The following SAMD14 variants were observed in gnomAD, a reference collection of about 807,000 sequenced individuals.
SAMD14 encodes sterile alpha motif domain-containing protein 14.
A neutral mutation model predicts 46.2 loss-of-function variants in SAMD14; 27 were observed. The observed-to-expected ratio is 0.58, with a 90% CI of 0.43 to 0.81. The LOEUF (loss-of-function observed/expected upper bound fraction) is 0.81. SAMD14 is among the 30% of genes least tolerant of loss of function. The probability of loss-of-function intolerance (pLI) is 0.00; values close to 1 mark genes in which losing one functional copy is unlikely to be tolerated. For missense variants in SAMD14, 559 were observed against 582.2 expected, an observed-to-expected ratio of 0.96 and a Z score of 0.41; for synonymous variants, 241 against 254.3, an observed-to-expected ratio of 0.95 and a Z score of 0.50.
chr17:50,122,564 T>A (rs551001650), intron 2 of SAMD14, among the ~76,000 whole-genome samples: 4 of 152,336 alleles, frequency 2.6e-5, no homozygotes, highest in African/African-American at 9.6e-5. Context: ...CACGAAAATT[T>A]GAGCTCCATG....
intron 2 of SAMD14, among the ~76,000 whole-genome samples, chr17:50,121,561 G>T (rs1911502532): frequency 6.6e-6 from 1 of 152,122 alleles, no homozygotes; most frequent in Non-Finnish European, 1.5e-5. Context: ...CAAGTGATCT[G>T]CCCGCCTTGG....
Position 50,111,300 on chromosome 17 carries a change from A to C in SAMD14, c.*1593T>G, listed in dbSNP as rs1241331899. On this transcript the variant is annotated 3_prime_UTR_variant, in exon 10 of 10. Coordinates refer to ENST00000330175, the MANE Select transcript of SAMD14 (RefSeq NM_001257359.2). Reference sequence around the variant, plus strand: ...GTCCGGCCAACCCAACAACTGGAGCAGACAGAAATTCTGGTCACTGGCACA... The same window carrying C: ...GTCCGGCCAACCCAACAACTGGAGCCGACAGAAATTCTGGTCACTGGCACA... 1 of 152,318 alleles carries C rather than the reference A, an allele frequency of 6.6e-6. No homozygotes were observed. Among genetic ancestry groups the C allele is most frequent in the African/African-American group, 2.4e-5 (1 of 41,468 alleles). 9.4% of individuals were successfully genotyped at this position (152,318 alleles called of 1,614,324 possible).
At chr17:50,126,883 T>G (rs974182364) in intron 1 of SAMD14, among the ~76,000 whole-genome samples, 1 of 151,598 alleles carries the variant, frequency 6.6e-6, no homozygotes, top group African/African-American at 2.4e-5. Context: ...GCAGATCACC[T>G]GAGGTCAGGA....
In SAMD14 at chr17:50,111,444, C is replaced by G. The variant is rs1028597015; in HGVS notation, c.*1449G>C. The G allele has an allele frequency of 2.0e-5, 3 of 152,286 alleles. No homozygotes were observed. The highest frequency in any genetic ancestry group is 7.2e-5 in the African/African-American group (3 of 41,446). 9.4% of individuals were successfully genotyped at this position (152,286 alleles called of 1,614,324 possible). ...TGCCTTCCAACCTCCCATGGCCCTGCCACCAGGCCCAGATGGTGCCAGTGT... is the reference window on the plus strand; with the variant it reads ...TGCCTTCCAACCTCCCATGGCCCTGGCACCAGGCCCAGATGGTGCCAGTGT... On this transcript the variant is annotated 3_prime_UTR_variant, in exon 10 of 10. Transcript: ENST00000330175.
At chr17:50,125,100 C>T in intron 1 of SAMD14, 129 bp from the exon 2 acceptor site, 1 of 769,088 alleles carries the variant, frequency 1.3e-6, no homozygotes, top group Non-Finnish European at 2.2e-6. Context: ...CCTTAGAACC[C>T]TTCTTCTGTC....
chr17:50,113,619 C>A (rs1161496148), intron 9 of SAMD14: 1 of 410,710 alleles, frequency 2.4e-6, no homozygotes, highest in African/African-American at 2.0e-5. Flanking sequence ...TACCAGGACA[C>A]TCATATGCAT....
chr17:50,113,733 T>G, intron 9 of SAMD14, 191 bp downstream of exon 9: 1 of 621,336 alleles, frequency 1.6e-6, no homozygotes, highest in East Asian at 2.8e-5. Flanking sequence ...TAGGGATTCA[T>G]GCTACAACTC....
At position 50,112,976 on chromosome 17, in the gene SAMD14, C is replaced by T. The variant is rs201142482; in HGVS notation, c.1171G>A (p.Glu391Lys). 1.6e-4 allele frequency: 265 copies of T among 1,611,860 alleles called. No individual in the cohort carries two copies. The East Asian group carries it at 2.6e-3, about 16-fold the overall frequency. ...TTCTCCTGGGCCTTGCGCTCCTTCTCGGCAGCTGCTGCCATCTCCTTCAAC... is the reference window on the plus strand; with the variant it reads ...TTCTCCTGGGCCTTGCGCTCCTTCTTGGCAGCTGCTGCCATCTCCTTCAAC... ...RKLKEMAAAA[E>K]KERKAQEKAA... Residue 391 changes from glutamate to lysine, a missense_variant, in exon 10 of 10, where the codon GAG (glutamate) becomes AAG (lysine). Coordinates refer to ENST00000330175, the MANE Select transcript of SAMD14 (RefSeq NM_001257359.2).
chr17:50,127,923 A>AT (rs1482118043), intron 1 of SAMD14, among the ~76,000 whole-genome samples: 1 of 152,130 alleles, frequency 6.6e-6, no homozygotes, highest in African/African-American at 2.4e-5. Context: ...TGTCTTCGTA[A>AT]TTTCTAAATC....
At chr17:50,124,771 G>GCGCGCGCA (rs71353620) in intron 2 of SAMD14, 146 bp downstream of exon 2, 11,624 of 566,804 alleles carry the variant, frequency 0.021, 108 homozygotes, top group East Asian at 0.033. Flanking sequence ...ACGCGCGCGC[G>GCGCGCGCA]CACACACACA....
chr17:50,124,774 C>CAT (rs1911687041), intron 2 of SAMD14, 143 bp downstream of exon 2: 1 of 502,300 alleles, frequency 2.0e-6, no homozygotes, highest in African/African-American at 2.9e-5. Flanking sequence ...CGCGCGCGCA[C>CAT]ACACACACAC....
Position 50,117,497 on chromosome 17 carries a change from C to T in SAMD14, c.409G>A (p.Ala137Thr). 6.9e-7 allele frequency: 1 copy of T among 1,450,904 alleles called. No homozygotes were observed. The highest frequency in any genetic ancestry group is 1.4e-5 in the South Asian group (1 of 70,346). 89.9% of individuals were successfully genotyped at this position (1,450,904 alleles called of 1,614,324 possible). ...GCGGAGCGCGGCGGAGAGCAGGAGG[C>T]GGCGGCCAGGCCCTCGTGCGACGCA... ...NAASHEGLAA[A>T]SCSPPRSAPS... is the part of the protein sequence containing the mutation. The change falls in exon 4 of 10, where the codon GCC (alanine) becomes ACC (threonine). Residue 137 changes from alanine (A) to threonine (T), a missense_variant. By Grantham distance (58) the Ala-to-Thr change is moderately conservative. Coordinates refer to ENST00000330175, the MANE Select transcript of SAMD14 (RefSeq NM_001257359.2).
At position 50,110,153 on chromosome 17, in the gene SAMD14, C is replaced by A; in HGVS notation, c.*2740G>T. 1.3e-6 allele frequency: 2 copies of A among 1,504,296 alleles called. No homozygotes were observed. Among genetic ancestry groups the A allele is most frequent in the South Asian group, 1.3e-5 (1 of 77,852 alleles). 93.2% of individuals were successfully genotyped at this position (1,504,296 alleles called of 1,614,324 possible). A position where few individuals can be genotyped will look rare whatever the true frequency, so the allele number is the denominator to read the frequency against. On this transcript the variant is annotated 3_prime_UTR_variant, in exon 10 of 10. Transcript: ENST00000330175. ...GGACTGCCGCCTCTGGGTCCCCCCA[C>A]CGTGGTGCCCCTCACCATCCTCCTG...
At position 50,115,328 on chromosome 17, in the gene SAMD14, G is replaced by A. The variant is rs1911124591; in HGVS notation, c.822+236C>T. On this transcript the variant is annotated intron_variant, in intron 7 of 9. Transcript: ENST00000330175. The surrounding 1 kb of genome is among the most constrained non-coding windows in gnomAD (Gnocchi z 5.3). ...GTAGGGAATCAGTGTTTAGTGATTT[G>A]TTGAATGCATGAAGCATTGACTGAA... is the stretch of plus-strand genomic sequence containing the variant. 6.6e-6 allele frequency among the ~76,000 whole-genome samples: 1 copy of A among 152,216 alleles called. No individual in the cohort carries two copies. Among genetic ancestry groups the A allele is most frequent in the Non-Finnish European group, 1.5e-5 (1 of 68,042 alleles).
chr17:50,123,566 G>C (rs1911600331), intron 2 of SAMD14: 6 of 155,344 alleles, frequency 3.9e-5, no homozygotes, highest in Admixed American at 3.7e-4. Context: ...TAAGGGGCTT[G>C]GTGGTTTTGA....
intron 3 of SAMD14, 132 bp downstream of exon 3, chr17:50,118,029 C>T: frequency 1.0e-6 from 1 of 973,874 alleles, no homozygotes; most frequent in African/African-American, 1.7e-5. Flanking sequence ...GCAGCTAACA[C>T]TTGGCAGCAT....
chr17:50,117,510 C>T lies in SAMD14; in HGVS notation c.396G>A (p.Glu132=), dbSNP rs912214936. 1.8e-5 allele frequency: 26 copies of T among 1,484,668 alleles called. No homozygotes were observed. Among genetic ancestry groups the T allele is most frequent in the Middle Eastern group, 2.3e-4 (1 of 4,422 alleles). 92.0% of individuals were successfully genotyped at this position (1,484,668 alleles called of 1,614,324 possible). The change falls in exon 4 of 10, where the codon GAG becomes GAA. Residue 132 remains glutamate, a synonymous_variant. Coordinates refer to ENST00000330175, the MANE Select transcript of SAMD14 (RefSeq NM_001257359.2). The part of the protein sequence containing the change: ...YRPLHNAASH[E]GLAAASCSPP... ...GAGAGCAGGAGGCGGCGGCCAGGCC[C>T]TCGTGCGACGCAGCGTTGTGCAGGG...
At chr17:50,114,430 A>G in intron 7 of SAMD14, 124 bp from the exon 8 acceptor site, 1 of 1,613,580 alleles carries the variant, frequency 6.2e-7, no homozygotes, top group South Asian at 1.1e-5. Flanking sequence ...TGCATGAGCC[A>G]GGAGCTGGGC....
chr17:50,118,123 T>TGA (rs1465961312), intron 3 of SAMD14, 38 bp downstream of exon 3: 2 of 1,179,304 alleles, frequency 1.7e-6, no homozygotes, highest in Non-Finnish European at 2.2e-6. Context: ...GAGGGAGGGG[T>TGA]GGGAGGGTGT....
Sources: gnomAD v4.1 joint callset for allele counts (sites outside exome capture counted in the v4.1 genomes callset) on GRCh38, gnomAD v4.1.1 for gene constraint, Gnocchi (gnomAD v3.1) non-coding constraint, MANE v1.5 for transcripts, NCBI Gene and HGNC (gene_info 2026-07-23, HGNC 2026-07-21) for gene names.